The following WDTC1 variants were observed in gnomAD, a reference collection of about 807,000 sequenced individuals.
WDTC1 encodes WD and tetratricopeptide repeats 1.
In WDTC1, 12 loss-of-function variants were observed where a neutral mutation model predicts 76.0. The ratio of observed to expected loss-of-function variants is 0.16; its 90% CI spans 0.10 to 0.26. The LOEUF (loss-of-function observed/expected upper bound fraction) is 0.26. WDTC1 is among the 10% of genes least tolerant of loss of function. WDTC1 has a pLI of 1.00. For missense variants in WDTC1, 511 were observed against 908.8 expected (o/e 0.56, Z 5.63); for synonymous variants, 326 against 350.8 (o/e 0.93, Z 0.79).
intron 3 of WDTC1, among the ~76,000 whole-genome samples, chr1:27,272,246 TAA>T (rs567899897): frequency 6.8e-6 from 1 of 147,822 alleles, no homozygotes; most frequent in Admixed American, 6.7e-5. Context: ...AACTCTGTCT[TAA>T]AAAAAAAAAA....
chr1:27,289,442 A>G (rs1270208377), intron 6 of WDTC1, among the ~76,000 whole-genome samples: 1 of 143,086 alleles, frequency 7.0e-6, no homozygotes, highest in Non-Finnish European at 1.5e-5. Context: ...CCGGGCAGAG[A>G]CGCTCCTCAC....
rs559542342 is a variant in WDTC1, at chr1:27,257,105, G to A, written c.-99-3851G>A. Among the ~76,000 whole-genome samples, 10 of 152,094 alleles carry A rather than the reference G, an allele frequency of 6.6e-5. No homozygotes were observed. In the South Asian group the frequency reaches 1.0e-3, roughly 16 times the overall value. On this transcript the variant is annotated intron_variant, in intron 1 of 15. Transcript: ENST00000319394. ...TCTTGATCTCCTGACCTCGTGATCC[G>A]CCCACCTCGGCCTCCCAAAGCGCTG...
Position 27,303,892 on chromosome 1 carries a change from C to T in WDTC1, c.1643+97C>T, listed in dbSNP as rs185623483. 2.1e-5 allele frequency: 32 copies of T among 1,501,112 alleles called. No homozygotes were observed. In the East Asian group the frequency reaches 7.2e-4, roughly 34 times the overall value. 93.0% of individuals were successfully genotyped at this position (1,501,112 alleles called of 1,614,324 possible). On this transcript the variant is annotated intron_variant, in intron 14 of 15. Transcript: ENST00000319394. This position sits in a 1 kb window ranked among gnomAD's most constrained non-coding sequence, Gnocchi z 4.8. Reference sequence around the variant, plus strand: ...ATGGTTTCAGAGAAGAATCTCAAATCCCTGCTCTGCCTCTGTACCCTTGGG... The same window carrying T: ...ATGGTTTCAGAGAAGAATCTCAAATTCCTGCTCTGCCTCTGTACCCTTGGG...
chr1:27,298,112 GT>G lies in WDTC1; in HGVS notation c.1232+2del. The G allele has an allele frequency of 6.2e-7, 1 of 1,603,252 alleles. No individual in the cohort carries two copies. The highest frequency in any genetic ancestry group is 8.5e-7 in the Non-Finnish European group (1 of 1,172,820). ...CAGCAGCCTACATGAAGCGCAAGTG[GT>G]GAGTGGCCACTGCAGAGGGGATCTG... On this transcript the variant is annotated splice_donor_variant, in intron 12 of 15. Transcript: ENST00000319394. LOFTEE classifies it high-confidence loss of function.
intron 7 of WDTC1, among the ~76,000 whole-genome samples, chr1:27,293,031 C>A (rs1188198753): frequency 6.8e-6 from 1 of 147,898 alleles, no homozygotes; most frequent in South Asian, 2.2e-4. Flanking sequence ...GGATTACAGA[C>A]GTCAGCCACC....
At chr1:27,263,286 C>T (rs1466982555) in intron 3 of WDTC1, 51 bp downstream of exon 3, 1 of 1,570,902 alleles carries the variant, frequency 6.4e-7, no homozygotes, top group Admixed American at 1.7e-5. Context: ...TGTCCATTCT[C>T]TGCCTGCAGA....
chr1:27,300,877 G>C (rs1323992554), intron 12 of WDTC1, among the ~76,000 whole-genome samples: 1 of 152,222 alleles, frequency 6.6e-6, no homozygotes, highest in Non-Finnish European at 1.5e-5. Context: ...AGAGAAGGAG[G>C]GCTTGGGGAG....
chr1:27,252,731 G>C (rs530524835), intron 1 of WDTC1, among the ~76,000 whole-genome samples: 5 of 151,896 alleles, frequency 3.3e-5, no homozygotes, highest in African/African-American at 1.2e-4. Context: ...CCAGGAGGTG[G>C]AGGCTGCATT....
At chr1:27,260,345 T>G (rs769370203) in intron 1 of WDTC1, among the ~76,000 whole-genome samples, 4 of 152,172 alleles carry the variant, frequency 2.6e-5, no homozygotes, top group Non-Finnish European at 5.9e-5. Flanking sequence ...GACCTTGTGA[T>G]CCGCCCACCT....
chr1:27,265,916 T>C (rs563155563), intron 3 of WDTC1, among the ~76,000 whole-genome samples: 3 of 152,078 alleles, frequency 2.0e-5, no homozygotes, highest in East Asian at 3.9e-4. Context: ...CATTGCACTC[T>C]AGGCCTGGGC....
At position 27,294,638 on chromosome 1, in the gene WDTC1, AG is replaced by A. The variant is rs1213898838; in HGVS notation, c.873+10del. On this transcript the variant is annotated intron_variant, in intron 9 of 15. Transcript: ENST00000319394. Reference sequence around the variant, plus strand: ...ACATGGGGGGGGAACAGGTATGTACAGCATAAGGTGGTTCTGCCCCATCACC... The same window carrying A: ...ACATGGGGGGGGAACAGGTATGTACACATAAGGTGGTTCTGCCCCATCACC... The A allele has an allele frequency of 1.9e-6, 3 of 1,612,796 alleles. No individual in the cohort carries two copies. Among genetic ancestry groups the A allele is most frequent in the Non-Finnish European group, 2.5e-6 (3 of 1,179,068 alleles).
rs371998168 is a variant in WDTC1 at position 27,293,911 on chromosome 1, T to G, written c.663-111T>G. 521 of 1,013,098 alleles carry G rather than the reference T, an allele frequency of 5.1e-4. 11 individuals are homozygous for G. In the South Asian group the frequency reaches 7.7e-3, roughly 15 times the overall value. The allele number at this position is 1,013,098 out of a possible 1,614,324, so 62.8% of individuals were successfully genotyped here. A position where few individuals can be genotyped will look rare whatever the true frequency, so the allele number is the denominator to read the frequency against. ...GGGTTGCTTAGGTAAGGAGGAAAAA[T>G]ACCTCCTGTATGTCTCAGATACAAA... On this transcript the variant is annotated intron_variant, in intron 7 of 15. Transcript: ENST00000319394.
chr1:27,296,784 A>AGCCCT lies in WDTC1; in HGVS notation c.950-264_950-263insGCCCT, dbSNP rs2013699754. Among the ~76,000 whole-genome samples the AGCCCT allele has an allele frequency of 2.8e-4, 6 of 21,434 alleles. No homozygotes were observed. The South Asian group carries it at 3.9e-3, about 14-fold the overall frequency. 14.1% of individuals were successfully genotyped at this position (21,434 alleles called of 152,430 possible). A position where few individuals can be genotyped will look rare whatever the true frequency, so the allele number is the denominator to read the frequency against. On this transcript the variant is annotated intron_variant, in intron 10 of 15. Coordinates refer to ENST00000319394, the MANE Select transcript of WDTC1 (RefSeq NM_001276252.2). Reference sequence around the variant, plus strand: ...CAGCCCCAGCCCTAGCCCCAGCCCCAACCCTAGCCCCAGCCCCAGCCCTAG... The same window carrying AGCCCT: ...CAGCCCCAGCCCTAGCCCCAGCCCCAGCCCTACCCTAGCCCCAGCCCCAGCCCTAG...
rs972091164 is a variant in WDTC1 at position 27,234,893 on chromosome 1, C to A, written c.-158C>A. The A allele has an allele frequency of 2.5e-6, 1 of 395,598 alleles. No homozygotes were observed. The highest frequency in any genetic ancestry group is 2.1e-5 in the African/African-American group (1 of 48,526). 24.5% of individuals were successfully genotyped at this position (395,598 alleles called of 1,614,324 possible). On this transcript the variant is annotated 5_prime_UTR_variant, in exon 1 of 16. Coordinates refer to ENST00000319394, the MANE Select transcript of WDTC1 (RefSeq NM_001276252.2). ...TTCCCGGGAGAGGGGCCGCCCCCCC[C>A]GGACGGACATGGGCTCCTGAAGTTG...
intron 3 of WDTC1, among the ~76,000 whole-genome samples, chr1:27,271,447 T>G (rs1054116193): frequency 1.3e-5 from 2 of 151,986 alleles, no homozygotes; most frequent in Non-Finnish European, 1.5e-5. Flanking sequence ...ATTCCTGGCC[T>G]CAAGTGACCT....
chr1:27,270,915 C>G (rs2012852466), intron 3 of WDTC1, among the ~76,000 whole-genome samples: 1 of 152,128 alleles, frequency 6.6e-6, no homozygotes, highest in Non-Finnish European at 1.5e-5. Flanking sequence ...TTTTATCATT[C>G]TAACTAGTGA....
chr1:27,297,275 T>C (rs2013719282), intron 11 of WDTC1, 119 bp downstream of exon 11: 1 of 936,282 alleles, frequency 1.1e-6, no homozygotes, highest in South Asian at 1.6e-5. Flanking sequence ...TCCCAGAGAG[T>C]GAGGACCAAG....
chr1:27,292,104 A>G (rs554989224), intron 6 of WDTC1, 111 bp from the exon 7 acceptor site: 4 of 1,154,288 alleles, frequency 3.5e-6, no homozygotes, highest in Non-Finnish European at 4.8e-6. Context: ...TTATTTAGAA[A>G]CAGGTCCAAA....
In WDTC1 at chr1:27,265,350, A is replaced by G. The variant is rs2012626654; in HGVS notation, c.132+2115A>G. 3.3e-5 allele frequency among the ~76,000 whole-genome samples: 5 copies of G among 152,192 alleles called. No individual in the cohort carries two copies. In the South Asian group the frequency reaches 1.0e-3, roughly 31 times the overall value. On this transcript the variant is annotated intron_variant, in intron 3 of 15. Coordinates refer to ENST00000319394, the MANE Select transcript of WDTC1 (RefSeq NM_001276252.2). ...AAAGAAGTTTGCAAAAATGTAAAAC[A>G]ATGCCACTCTTCTCATTAAATTCTT...
Sources: allele counts gnomAD v4.1 joint callset (sites outside exome capture counted in the v4.1 genomes callset), GRCh38; gene constraint gnomAD v4.1.1; non-coding constraint Gnocchi (gnomAD v3.1); transcripts MANE v1.5; gene names NCBI Gene and HGNC (gene_info 2026-07-23, HGNC 2026-07-21).